Variants in FHOD3 observed in about 807,000 individuals in gnomAD.
FHOD3 encodes FH1/FH2 domain-containing protein 3.
Under a neutral mutation model 173.0 loss-of-function variants are expected in FHOD3, and 90 were observed. The observed-to-expected ratio is 0.52, with a 90% CI of 0.44 to 0.62. The LOEUF (loss-of-function observed/expected upper bound fraction) is 0.62, where lower values mean the gene tolerates loss of function less well. Ranked by LOEUF, FHOD3 falls within the 20% of genes least tolerant of loss-of-function variation. The pLI, the probability that FHOD3 is intolerant of heterozygous loss-of-function variation, is 0.00. For synonymous variants in FHOD3, 828 were observed against 823.0 expected (o/e 1.01, Z -0.10); for missense variants, 1,945 against 2,034.7 (o/e 0.96, Z 0.85).
intron 5 of FHOD3, among the ~76,000 whole-genome samples, chr18:36,554,941 GTTTC>G (rs1370054492): frequency 6.6e-6 from 1 of 151,998 alleles, no homozygotes; most frequent in Non-Finnish European, 1.5e-5. Context: ...TATGTAATTT[GTTTC>G]TTCTCTTTTT....
At position 36,639,732 on chromosome 18, in the gene FHOD3, A is replaced by G. The variant is rs2035169252; in HGVS notation, c.1197-9584A>G. On this transcript the variant is annotated intron_variant, in intron 10 of 28. Coordinates refer to ENST00000590592, the MANE Select transcript of FHOD3 (RefSeq NM_001281740.3). ...CAGCTACTCGGGAGGCTGAGGCAGG[A>G]GAATGGTGTGAACCTGGGAGGCGGA... is the stretch of plus-strand genomic sequence containing the variant. Among the ~76,000 whole-genome samples the G allele has an allele frequency of 2.0e-5, 3 of 150,622 alleles. No individual in the cohort carries two copies. In the South Asian group the frequency reaches 6.3e-4, roughly 32 times the overall value.
rs1464116666 is a variant in FHOD3 at position 36,549,090 on chromosome 18, G to A, written c.512-27361G>A. Among the ~76,000 whole-genome samples the A allele has an allele frequency of 2.6e-5, 4 of 152,136 alleles. No homozygotes were observed. The East Asian group carries it at 7.7e-4, about 29-fold the overall frequency. On this transcript the variant is annotated intron_variant, in intron 5 of 28. Coordinates refer to ENST00000590592, the MANE Select transcript of FHOD3 (RefSeq NM_001281740.3). The stretch of plus-strand genomic sequence containing the variant: ...CTACATTCTTTCCAACACTTGGTGT[G>A]GTTAGTCTGTTTAATTTTAGCCATT...
chr18:36,518,522 G>C (rs955356290), intron 5 of FHOD3, among the ~76,000 whole-genome samples: 7 of 152,152 alleles, frequency 4.6e-5, no homozygotes, highest in African/African-American at 1.7e-4. Context: ...TGGTACAACA[G>C]GACTATTTCC....
chr18:36,591,570 G>A (rs547941098), intron 6 of FHOD3, among the ~76,000 whole-genome samples: 1 of 152,286 alleles, frequency 6.6e-6, no homozygotes, highest in Admixed American at 6.5e-5. Flanking sequence ...AGGCAACAGA[G>A]GCATATAGTA....
intron 5 of FHOD3, among the ~76,000 whole-genome samples, chr18:36,541,771 T>C (rs1262550812): frequency 6.6e-6 from 1 of 152,198 alleles, no homozygotes; most frequent in Non-Finnish European, 1.5e-5. Flanking sequence ...TTTTAAAAAT[T>C]GGCATTTAAC....
chr18:36,642,699 C>T (rs57019962), intron 10 of FHOD3, among the ~76,000 whole-genome samples: 28 of 149,942 alleles, frequency 1.9e-4, no homozygotes, highest in Admixed American at 1.1e-3. Flanking sequence ...TGATTATCTT[C>T]TAGTTTATTT....
intron 14 of FHOD3, among the ~76,000 whole-genome samples, chr18:36,674,094 A>C (rs1030859524): frequency 6.6e-6 from 1 of 152,206 alleles, no homozygotes; most frequent in African/African-American, 2.4e-5. Context: ...TATATTTTCA[A>C]AAGGAAGGAA....
intron 5 of FHOD3, among the ~76,000 whole-genome samples, chr18:36,552,309 G>T (rs1033484847): frequency 6.6e-6 from 1 of 152,150 alleles, no homozygotes; most frequent in East Asian, 1.9e-4. Flanking sequence ...TCTGTTATGG[G>T]TGCATAGGAA....
At chr18:36,750,133 C>T (rs1044284972) in intron 24 of FHOD3, among the ~76,000 whole-genome samples, 1 of 151,994 alleles carries the variant, frequency 6.6e-6, no homozygotes, top group African/African-American at 2.4e-5. Flanking sequence ...ACTAAAAATA[C>T]AAAAAATTAG....
At chr18:36,460,572 G>A (rs1465755681) in intron 3 of FHOD3, among the ~76,000 whole-genome samples, 1 of 152,176 alleles carries the variant, frequency 6.6e-6, no homozygotes, top group East Asian at 1.9e-4. Flanking sequence ...CACACTGCAT[G>A]GGCAGTGGAA....
intron 3 of FHOD3, among the ~76,000 whole-genome samples, chr18:36,395,913 G>A (rs1011654641): frequency 2.0e-5 from 3 of 152,140 alleles, no homozygotes; most frequent in African/African-American, 7.2e-5. Context: ...AGCTCTTTGG[G>A]ATCCTAAATA....
chr18:36,471,560 C>T (rs1417011658), intron 3 of FHOD3, among the ~76,000 whole-genome samples: 1 of 152,188 alleles, frequency 6.6e-6, no homozygotes, highest in East Asian at 1.9e-4. Flanking sequence ...AGGATCAGAA[C>T]AATGGTCTAT....
At chr18:36,394,307 A>G (rs2048445823) in intron 3 of FHOD3, among the ~76,000 whole-genome samples, 1 of 152,224 alleles carries the variant, frequency 6.6e-6, no homozygotes, top group Non-Finnish European at 1.5e-5. Context: ...TCACAAGCAG[A>G]CATTGAGATT....
chr18:36,663,807 C>A (rs561298254), intron 14 of FHOD3, among the ~76,000 whole-genome samples: 1 of 152,356 alleles, frequency 6.6e-6, no homozygotes, highest in Non-Finnish European at 1.5e-5. Context: ...TTGACTACCA[C>A]CCTGTGTGTA....
chr18:36,554,598 C>T (rs1012404890), intron 5 of FHOD3, among the ~76,000 whole-genome samples: 8 of 151,954 alleles, frequency 5.3e-5, no homozygotes, highest in African/African-American at 4.8e-5. Flanking sequence ...CAAACCTGCA[C>T]GTTGTGCACA....
At chr18:36,342,390 C>G (rs181464627) in intron 1 of FHOD3, among the ~76,000 whole-genome samples, 1 of 152,068 alleles carries the variant, frequency 6.6e-6, no homozygotes, top group East Asian at 1.9e-4. Flanking sequence ...AGGATAATTA[C>G]AAGGTAATCT....
At chr18:36,679,642 A>G (rs1282680043) in intron 14 of FHOD3, among the ~76,000 whole-genome samples, 1 of 151,450 alleles carries the variant, frequency 6.6e-6, no homozygotes, top group Non-Finnish European at 1.5e-5. Flanking sequence ...TTTTTTTCTG[A>G]CCTAAGTTAT....
chr18:36,575,498 T>G (rs1317539353), intron 5 of FHOD3, among the ~76,000 whole-genome samples: 1 of 152,258 alleles, frequency 6.6e-6, no homozygotes, highest in Non-Finnish European at 1.5e-5. Context: ...AGAATGGTTA[T>G]CTTTAATTTA....
At chr18:36,430,960 T>C (rs8087319) in intron 3 of FHOD3, among the ~76,000 whole-genome samples, 27,682 of 152,108 alleles carry the variant, frequency 0.18, 2,713 homozygotes, top group Non-Finnish European at 0.22. Context: ...CTAGAGGGCA[T>C]ACTCAATACA....
Sources: gnomAD v4.1 joint callset for allele counts (sites outside exome capture counted in the v4.1 genomes callset) on GRCh38, gnomAD v4.1.1 for gene constraint, MANE v1.5 for transcripts, NCBI Gene and HGNC (gene_info 2026-07-23, HGNC 2026-07-21) for gene names.